TOP2B: variants seen among roughly 807,000 people sequenced by gnomAD.
TOP2B encodes the protein DNA topoisomerase 2-beta.
TOP2B carries 51 observed loss-of-function variants against 193.5 expected under a neutral mutation model. The ratio of observed to expected loss-of-function variants is 0.26; its 90% CI spans 0.21 to 0.33. The LOEUF (loss-of-function observed/expected upper bound fraction) is 0.33, where lower values mean the gene tolerates loss of function less well. TOP2B is among the 10% of genes least tolerant of loss of function. The probability of loss-of-function intolerance (pLI) is 1.00; values close to 1 mark genes in which losing one functional copy is unlikely to be tolerated. For synonymous variants in TOP2B, 634 were observed against 635.7 expected (o/e 1.00, Z 0.04); for missense variants, 1,378 against 1,909.3 (o/e 0.72, Z 5.19).
rs185492137 is a variant in TOP2B at position 25,632,920 on chromosome 3, A to G, written c.1027-126T>C. The G allele has an allele frequency of 8.8e-6, 7 of 799,834 alleles. No homozygotes were observed. The East Asian group carries it at 1.9e-4, about 22-fold the overall frequency. The allele number at this position is 799,834 out of a possible 1,614,324, so 49.5% of individuals were successfully genotyped here. A position where few individuals can be genotyped will look rare whatever the true frequency, so the allele number is the denominator to read the frequency against. ...GTCTCAGAACGAGAGTTGAGATTTT[A>G]AAAAAATAAGACATTTTGGCTACAG... On this transcript the variant is annotated intron_variant, in intron 8 of 35. Transcript: ENST00000264331.
intron 20 of TOP2B, among the ~76,000 whole-genome samples, 175 bp from the exon 21 acceptor site, chr3:25,623,921 G>C (rs1400661013): frequency 6.6e-6 from 1 of 152,106 alleles, no homozygotes. Flanking sequence ...TTATTCAAAT[G>C]CATCTTTCTC....
intron 15 of TOP2B, among the ~76,000 whole-genome samples, chr3:25,628,112 T>G (rs1702857073): frequency 7.4e-6 from 1 of 134,818 alleles, no homozygotes; most frequent in African/African-American, 2.8e-5. Context: ...ACTCTAAAAA[T>G]AAACAATTTT....
chr3:25,637,307 G>A lies in TOP2B; in HGVS notation c.547C>T (p.Arg183Cys), dbSNP rs1703131590. The A allele has an allele frequency of 1.3e-6, 2 of 1,548,760 alleles. No homozygotes were observed. Among genetic ancestry groups the A allele is most frequent in the Non-Finnish European group, 1.7e-6 (2 of 1,145,496 alleles). ...CAAAGTTTTGCACCATAACCATTACGACCACCTGTAAGAAAAATTAAATGT... is the reference window on the plus strand; with the variant it reads ...CAAAGTTTTGCACCATAACCATTACAACCACCTGTAAGAAAAATTAAATGT... ...DDDEKKVTGG[R>C]NGYGAKLCNI... Residue 183 changes from arginine to cysteine, a missense_variant, in exon 6 of 36, where the codon CGT (arginine) becomes TGT (cysteine). Physicochemically the swap from Arg to Cys is radical, Grantham distance 180 (BLOSUM62 -3). This residue lies in a region of TOP2B where 222 missense variants were observed against 306.6 expected (regional missense o/e 0.72). Transcript: ENST00000264331.
chr3:25,629,281 G>A (rs1441081119), intron 13 of TOP2B, 136 bp from the exon 14 acceptor site: 6 of 565,526 alleles, frequency 1.1e-5, no homozygotes, highest in Non-Finnish European at 1.8e-5. Context: ...AAGCTATTAA[G>A]ATGATCATAC....
At position 25,664,806 on chromosome 3, in the gene TOP2B, C is replaced by A; in HGVS notation, c.-509G>T. The A allele has an allele frequency of 1.0e-6, 1 of 987,360 alleles. No individual in the cohort carries two copies. The highest frequency in any genetic ancestry group is 4.5e-5 in the South Asian group (1 of 21,998). 61.2% of individuals were successfully genotyped at this position (987,360 alleles called of 1,614,324 possible). On this transcript the variant is annotated 5_prime_UTR_variant, in exon 1 of 36. Transcript: ENST00000264331. ...AAGGCAGCCTTAGCCTCGCTGCAGC[C>A]CCGATTTCCTCACACACACACACCG...
intron 1 of TOP2B, among the ~76,000 whole-genome samples, chr3:25,649,279 T>A (rs757864349): frequency 1.1e-4 from 17 of 152,108 alleles, no homozygotes; most frequent in Non-Finnish European, 2.9e-5. Flanking sequence ...ACATATACAT[T>A]ATGTAAGCCT....
chr3:25,624,912 T>C, intron 18 of TOP2B, 109 bp from the exon 19 acceptor site: 1 of 1,051,460 alleles, frequency 9.5e-7, no homozygotes, highest in Non-Finnish European at 1.4e-6. Context: ...AGTAAAATTG[T>C]TACTTGAGAT....
intron 21 of TOP2B, among the ~76,000 whole-genome samples, chr3:25,622,348 A>G (rs954533604): frequency 6.6e-6 from 1 of 152,232 alleles, no homozygotes. Context: ...TAAGAGAAAA[A>G]GCAGAATATA....
rs778620364 is a variant in TOP2B, at chr3:25,607,179, G to C, written c.4290C>G (p.Ala1430=). 2 of 1,613,014 alleles carry C rather than the reference G, an allele frequency of 1.2e-6. No homozygotes were observed. The highest frequency in any genetic ancestry group is 2.2e-5 in the South Asian group (2 of 90,964). ...TAAATAGCATTACTTACTCTGGAGTGGCTTTTGATTTGCCTGGTGAAAATG... is the reference window on the plus strand; with the variant it reads ...TAAATAGCATTACTTACTCTGGAGTCGCTTTTGATTTGCCTGGTGAAAATG... ...EYTFSPGKSK[A]TPEKSLHDKK... Residue 1430 remains alanine (A), a synonymous_variant, in exon 31 of 36, where the codon GCC becomes GCG. Coordinates refer to ENST00000264331, the MANE Select transcript of TOP2B (RefSeq NM_001330700.2).
chr3:25,598,295 C>CTCTT lies in TOP2B; in HGVS notation c.*8_*11dup, dbSNP rs775385309. 1.9e-6 allele frequency: 3 copies of CTCTT among 1,589,852 alleles called. No individual in the cohort carries two copies. The highest frequency in any genetic ancestry group is 1.7e-5 in the Admixed American group (1 of 57,600). ...AGATATTTGTTGAAAAATGTTTGTGCTCTTTGGGCACTTAATTAAACATTG... is the reference window on the plus strand; with the variant it reads ...AGATATTTGTTGAAAAATGTTTGTGCTCTTTCTTTGGGCACTTAATTAAACATTG... On this transcript the variant is annotated 3_prime_UTR_variant, in exon 36 of 36. Coordinates refer to ENST00000264331, the MANE Select transcript of TOP2B (RefSeq NM_001330700.2).
Position 25,664,742 on chromosome 3 carries a change from G to A in TOP2B, c.-445C>T. ...CACTCCGCGAAGGCCAGCCACTCGA[G>A]TCGCCAGAGTAGTCGTCCCGGTCGC... is the stretch of plus-strand genomic sequence containing the variant. On this transcript the variant is annotated 5_prime_UTR_variant, in exon 1 of 36. Transcript: ENST00000264331. The A allele has an allele frequency of 1.0e-6, 1 of 987,842 alleles. No homozygotes were observed. The highest frequency in any genetic ancestry group is 1.2e-6 in the Non-Finnish European group (1 of 830,398). 61.2% of individuals were successfully genotyped at this position (987,842 alleles called of 1,614,324 possible). A position where few individuals can be genotyped will look rare whatever the true frequency, so the allele number is the denominator to read the frequency against.
At position 25,628,928 on chromosome 3, in the gene TOP2B, A is replaced by G; in HGVS notation, c.1825T>C (p.Ser609Pro). The change falls in exon 15 of 36, where the codon TCC becomes CCC. Residue 609 changes from serine to proline, a missense_variant. By Grantham distance (74) the Ser-to-Pro change is moderately conservative. Transcript: ENST00000264331. The stretch of plus-strand genomic sequence containing the variant: ...TCAAATTCAGGAATACTGTAGAAGG[A>G]AAGTTCCTGCTTATTTTTGCTTGCC... ...VKASKNKQEL[S>P]FYSIPEFDEW... The G allele has an allele frequency of 6.3e-7, 1 of 1,599,512 alleles. No individual in the cohort carries two copies. Among genetic ancestry groups the G allele is most frequent in the Non-Finnish European group, 8.5e-7 (1 of 1,175,846 alleles).
At chr3:25,623,367 G>C in intron 21 of TOP2B, 148 bp downstream of exon 21, 2 of 682,644 alleles carry the variant, frequency 2.9e-6, no homozygotes, top group South Asian at 4.1e-5. Context: ...TTTTACTGTA[G>C]GCACATATCA....
intron 15 of TOP2B, 134 bp downstream of exon 15, chr3:25,628,713 T>C (rs1050317243): frequency 3.9e-5 from 23 of 584,232 alleles, no homozygotes; most frequent in Middle Eastern, 4.6e-4. Context: ...CATTTTTCTA[T>C]AACAATACTT....
At chr3:25,608,791 T>G (rs897367688) in intron 30 of TOP2B, among the ~76,000 whole-genome samples, 1 of 152,152 alleles carries the variant, frequency 6.6e-6, no homozygotes, top group Non-Finnish European at 1.5e-5. Flanking sequence ...AAGAGAGCTA[T>G]GTACTCAGAC....
chr3:25,630,708 C>T, intron 11 of TOP2B, 93 bp downstream of exon 11: 3 of 1,184,760 alleles, frequency 2.5e-6, no homozygotes, highest in Non-Finnish European at 3.4e-6. Context: ...AATGGAAAAT[C>T]ATAGTCTAAC....
chr3:25,611,765 A>T (rs1399445261), intron 28 of TOP2B, among the ~76,000 whole-genome samples: 1 of 152,102 alleles, frequency 6.6e-6, no homozygotes. Flanking sequence ...AAACACAAGT[A>T]AATAGTAAAA....
At chr3:25,625,607 G>A (rs1421158386) in intron 18 of TOP2B, among the ~76,000 whole-genome samples, 1 of 151,864 alleles carries the variant, frequency 6.6e-6, no homozygotes, top group Non-Finnish European at 1.5e-5. Context: ...GTTTGTTTTT[G>A]TTTTAAGCTC....
At chr3:25,599,383 A>G in intron 35 of TOP2B, 52 bp downstream of exon 35, 1 of 1,556,804 alleles carries the variant, frequency 6.4e-7, no homozygotes, top group South Asian at 1.2e-5. Context: ...AGTCACTTAC[A>G]GATCTTTTTT....
Sources: gnomAD v4.1 joint callset for allele counts (sites outside exome capture counted in the v4.1 genomes callset) on GRCh38, gnomAD v4.1.1 for gene constraint, gnomAD v4.1.1 regional missense constraint, MANE v1.5 for transcripts, NCBI Gene and HGNC (gene_info 2026-07-23, HGNC 2026-07-21) for gene names.